PLXDC2: variants seen among roughly 807,000 people sequenced by gnomAD.
The protein encoded by PLXDC2 is plexin domain containing 2.
In PLXDC2, 40 loss-of-function variants were observed where a neutral mutation model predicts 68.9. That is an observed-to-expected ratio of 0.58 (90% CI 0.45 to 0.76). The LOEUF (loss-of-function observed/expected upper bound fraction) is 0.76. Ranked by LOEUF, PLXDC2 falls within the 30% of genes least tolerant of loss-of-function variation. The pLI, the probability that PLXDC2 is intolerant of heterozygous loss-of-function variation, is 0.00. For synonymous variants in PLXDC2, 243 were observed against 234.2 expected (o/e 1.04, Z -0.34); for missense variants, 644 against 661.9 (o/e 0.97, Z 0.30).
At chr10:20,266,168 T>A (rs980040124) in intron 13 of PLXDC2, among the ~76,000 whole-genome samples, 36 of 152,174 alleles carry the variant, frequency 2.4e-4, no homozygotes, top group Non-Finnish European at 4.9e-4. Flanking sequence ...GGAAAATCAA[T>A]GGACTGGGTG....
chr10:19,957,230 A>G (rs1466110441), intron 1 of PLXDC2, among the ~76,000 whole-genome samples: 1 of 152,174 alleles, frequency 6.6e-6, no homozygotes, highest in Non-Finnish European at 1.5e-5. Flanking sequence ...AGCAGAGAGT[A>G]TACTATTGAT....
At chr10:19,850,081 G>A (rs947980470) in intron 1 of PLXDC2, among the ~76,000 whole-genome samples, 6 of 152,106 alleles carry the variant, frequency 3.9e-5, no homozygotes, top group African/African-American at 1.4e-4. Flanking sequence ...ACTCACCTTA[G>A]CAACATTCAT....
intron 1 of PLXDC2, among the ~76,000 whole-genome samples, chr10:19,978,311 C>G (rs186330594): frequency 1.4e-4 from 22 of 152,224 alleles, no homozygotes; most frequent in Admixed American, 3.3e-4. Flanking sequence ...ATGTCAATTT[C>G]TCTATTATCT....
intron 9 of PLXDC2, among the ~76,000 whole-genome samples, chr10:20,189,344 A>G (rs1834728776): frequency 6.6e-6 from 1 of 150,704 alleles, no homozygotes; most frequent in South Asian, 2.1e-4. Context: ...AAACTGGCAT[A>G]AAGAGAAATA....
chr10:19,869,472 G>GT (rs984856052), intron 1 of PLXDC2, among the ~76,000 whole-genome samples: 4 of 127,014 alleles, frequency 3.1e-5, no homozygotes, highest in Non-Finnish European at 5.1e-5. Context: ...AGAGAAAGGG[G>GT]GGGGGGGGAG....
chr10:19,927,613 AAT>A (rs1180165148), intron 1 of PLXDC2, among the ~76,000 whole-genome samples: 2 of 149,996 alleles, frequency 1.3e-5, no homozygotes, highest in Non-Finnish European at 3.0e-5. Flanking sequence ...GAGGCAGGAG[AAT>A]CGCTTGAACC....
At chr10:19,966,370 A>AAAAATATATGTGCACATATAT (rs1834253653) in intron 1 of PLXDC2, among the ~76,000 whole-genome samples, 1 of 133,478 alleles carries the variant, frequency 7.5e-6, no homozygotes, top group African/African-American at 2.8e-5. Flanking sequence ...CACATATATA[A>AAAAATATATGTGCACATATAT]AAAATATATA....
intron 13 of PLXDC2, among the ~76,000 whole-genome samples, chr10:20,263,662 G>A (rs905595676): frequency 3.3e-5 from 5 of 151,986 alleles, no homozygotes; most frequent in African/African-American, 9.7e-5. Flanking sequence ...TGGGCAAAGT[G>A]GATGAACAGA....
At chr10:20,049,078 G>A (rs1835848381) in intron 3 of PLXDC2, among the ~76,000 whole-genome samples, 1 of 151,984 alleles carries the variant, frequency 6.6e-6, no homozygotes, top group South Asian at 2.1e-4. Context: ...TGGGTTCTTG[G>A]TTACCCATGA....
At chr10:19,929,720 C>G (rs980218835) in intron 1 of PLXDC2, among the ~76,000 whole-genome samples, 1 of 152,154 alleles carries the variant, frequency 6.6e-6, no homozygotes, top group Non-Finnish European at 1.5e-5. Context: ...CGTTTCCATC[C>G]AGGCACTCTG....
At chr10:20,215,837 C>A (rs1232610518) in intron 10 of PLXDC2, among the ~76,000 whole-genome samples, 1 of 152,042 alleles carries the variant, frequency 6.6e-6, no homozygotes, top group East Asian at 1.9e-4. Context: ...GGAAGGTGAA[C>A]CCAAGGAGTA....
chr10:20,173,472 T>C (rs939481745), intron 7 of PLXDC2, among the ~76,000 whole-genome samples: 1 of 152,198 alleles, frequency 6.6e-6, no homozygotes, highest in Non-Finnish European at 1.5e-5. Flanking sequence ...TGGATATTGA[T>C]CAAAGAAGAT....
chr10:19,974,149 T>C (rs138662670), intron 1 of PLXDC2, among the ~76,000 whole-genome samples: 1 of 152,360 alleles, frequency 6.6e-6, no homozygotes, highest in Non-Finnish European at 1.5e-5. Flanking sequence ...GAAGCTCTTT[T>C]TGAAAAGCTA....
At chr10:20,261,464 C>G (rs919857685) in intron 13 of PLXDC2, among the ~76,000 whole-genome samples, 2 of 152,174 alleles carry the variant, frequency 1.3e-5, no homozygotes, top group African/African-American at 4.8e-5. Flanking sequence ...GTTGCTTAAA[C>G]CAACCTTCCT....
chr10:19,820,019 T>A lies in PLXDC2; in HGVS notation c.112+2828T>A, dbSNP rs78826476. Among the ~76,000 whole-genome samples, 371 of 152,346 alleles carry A rather than the reference T, an allele frequency of 2.4e-3. 8 individuals are homozygous for A. In the East Asian group the frequency reaches 0.053, roughly 22 times the overall value. On this transcript the variant is annotated intron_variant, in intron 1 of 13. Coordinates refer to ENST00000377252, the MANE Select transcript of PLXDC2 (RefSeq NM_032812.9). The stretch of plus-strand genomic sequence containing the variant: ...GAGGCTACCTGCAAAATTTTAAAAA[T>A]ATGAAATATGAGTTTCTTTTTCCTT...
chr10:20,233,386 G>A (rs1329537380), intron 12 of PLXDC2, among the ~76,000 whole-genome samples: 2 of 151,786 alleles, frequency 1.3e-5, no homozygotes, highest in Non-Finnish European at 2.9e-5. Flanking sequence ...AAGTAGGTGG[G>A]CATGGGGGTG....
At chr10:20,232,191 A>C (rs2131879501) in intron 12 of PLXDC2, among the ~76,000 whole-genome samples, 1 of 152,294 alleles carries the variant, frequency 6.6e-6, no homozygotes, top group Middle Eastern at 3.4e-3. Flanking sequence ...TATCATGCCC[A>C]TTAGGATAGC....
chr10:20,082,073 A>AAAACAAG (rs1836576336), intron 4 of PLXDC2, among the ~76,000 whole-genome samples: 1 of 149,486 alleles, frequency 6.7e-6, no homozygotes. Context: ...TCAAAAAAAA[A>AAAACAAG]AAACAGGAGA....
At chr10:19,976,268 C>G (rs1834454292) in intron 1 of PLXDC2, among the ~76,000 whole-genome samples, 1 of 152,068 alleles carries the variant, frequency 6.6e-6, no homozygotes, top group African/African-American at 2.4e-5. Flanking sequence ...GGCTGGAGTA[C>G]AGTGGTGCGA....
Sources: allele counts gnomAD v4.1 joint callset (sites outside exome capture counted in the v4.1 genomes callset), GRCh38; gene constraint gnomAD v4.1.1; transcripts MANE v1.5; gene names NCBI Gene and HGNC (gene_info 2026-07-23, HGNC 2026-07-21).